FGF14: variants seen among roughly 807,000 people sequenced by gnomAD.
FGF14 encodes the protein fibroblast growth factor homologous factor 4.
Under a neutral mutation model 25.5 loss-of-function variants are expected in FGF14, and 5 were observed. That is an observed-to-expected ratio of 0.20 (90% CI 0.10 to 0.41). FGF14 has a LOEUF of 0.41. FGF14 is among the 10% of genes least tolerant of loss of function. The pLI, the probability that FGF14 is intolerant of heterozygous loss-of-function variation, is 1.00. For synonymous variants in FGF14, 138 were observed against 118.3 expected (o/e 1.17, Z -1.08); for missense variants, 222 against 320.1 (o/e 0.69, Z 2.34).
intron 1 of FGF14, among the ~76,000 whole-genome samples, chr13:102,305,232 T>G (rs1333056803): frequency 6.6e-6 from 1 of 152,174 alleles, no homozygotes; most frequent in Non-Finnish European, 1.5e-5. Flanking sequence ...CTTCTGTCAG[T>G]AGAGCCCTAA....
rs902480542 is a variant in FGF14 at position 101,838,293 on chromosome 13, C to T, written c.408+30432G>A. ...AGTCTCATCTGTGACCCTGCAACTTCCTGCAGCCCTCGGTTTCGTTCTGTG... is the reference window on the plus strand; with the variant it reads ...AGTCTCATCTGTGACCCTGCAACTTTCTGCAGCCCTCGGTTTCGTTCTGTG... On this transcript the variant is annotated intron_variant, in intron 3 of 4. Coordinates refer to ENST00000376143, the MANE Select transcript of FGF14 (RefSeq NM_004115.4). Among the ~76,000 whole-genome samples, 10 of 151,922 alleles carry T rather than the reference C, an allele frequency of 6.6e-5. No individual in the cohort carries two copies. The East Asian group carries it at 1.4e-3, about 21-fold the overall frequency.
intron 3 of FGF14, among the ~76,000 whole-genome samples, chr13:101,841,064 T>A (rs1297622175): frequency 6.6e-6 from 1 of 151,922 alleles, no homozygotes; most frequent in Non-Finnish European, 1.5e-5. Flanking sequence ...ACCTATGAAA[T>A]CAGGGAAGTC....
intron 1 of FGF14, among the ~76,000 whole-genome samples, chr13:101,968,696 A>G (rs1460978274): frequency 6.6e-6 from 1 of 151,124 alleles, no homozygotes; most frequent in Admixed American, 6.6e-5. Flanking sequence ...AAAAACCTCA[A>G]TATCAATATT....
chr13:101,771,056 T>C (rs1594189941), intron 3 of FGF14, among the ~76,000 whole-genome samples: 1 of 152,150 alleles, frequency 6.6e-6, no homozygotes, highest in East Asian at 1.9e-4. Context: ...AAAATCAATG[T>C]TGAGTTAATT....
intron 1 of FGF14, among the ~76,000 whole-genome samples, chr13:102,344,404 C>T (rs2057041644): frequency 6.6e-6 from 1 of 152,158 alleles, no homozygotes; most frequent in Non-Finnish European, 1.5e-5. Context: ...CTATGTTTGC[C>T]CACTTGGGCA....
intron 1 of FGF14, among the ~76,000 whole-genome samples, chr13:102,391,153 G>T (rs1401593241): frequency 1.3e-5 from 2 of 152,100 alleles, no homozygotes; most frequent in African/African-American, 4.8e-5. Context: ...CAAAATTTTT[G>T]AAAAACATGA....
intron 1 of FGF14, among the ~76,000 whole-genome samples, chr13:102,041,546 A>T (rs2041739072): frequency 6.6e-6 from 1 of 150,522 alleles, no homozygotes; most frequent in South Asian, 2.1e-4. Context: ...AAAACAGTGT[A>T]TGTTAAGCCA....
chr13:102,083,919 A>G (rs1328044634), intron 1 of FGF14, among the ~76,000 whole-genome samples: 2 of 152,198 alleles, frequency 1.3e-5, no homozygotes, highest in African/African-American at 4.8e-5. Context: ...ATAGTGTCCC[A>G]TTTTGCTTAA....
At chr13:102,391,248 T>A (rs777845976) in intron 1 of FGF14, among the ~76,000 whole-genome samples, 39 of 152,184 alleles carry the variant, frequency 2.6e-4, no homozygotes, top group Non-Finnish European at 4.7e-4. Flanking sequence ...ATATCAGTAC[T>A]GGAAAAGCAC....
intron 1 of FGF14, among the ~76,000 whole-genome samples, chr13:102,260,144 G>A (rs1023731388): frequency 2.6e-5 from 4 of 152,122 alleles, no homozygotes; most frequent in African/African-American, 7.2e-5. Context: ...AAAAAGAAGC[G>A]GGAGGAGGGG....
chr13:102,224,725 A>T (rs913131903), intron 1 of FGF14, among the ~76,000 whole-genome samples: 7 of 152,210 alleles, frequency 4.6e-5, no homozygotes, highest in African/African-American at 1.7e-4. Flanking sequence ...TACATAATGT[A>T]TTTCCATCAA....
intron 3 of FGF14, among the ~76,000 whole-genome samples, chr13:101,820,763 C>T (rs2042078312): frequency 1.2e-5 from 1 of 82,690 alleles, no homozygotes; most frequent in South Asian, 6.5e-4. Flanking sequence ...CTACAGTACA[C>T]ACACACACCA....
upstream of FGF14, chr13:102,402,328 C>T (rs1273378799): frequency 1.3e-5 from 2 of 152,376 alleles, no homozygotes; most frequent in Non-Finnish European, 1.5e-5. Flanking sequence ...GCCACAAATC[C>T]CCTTCCTCCT....
Position 101,716,834 on chromosome 13 carries a change from A to C in FGF14, c.*5997T>G, listed in dbSNP as rs1002061027. 1 of 152,004 alleles carries C rather than the reference A, an allele frequency of 6.6e-6. No individual in the cohort carries two copies. The highest frequency in any genetic ancestry group is 1.5e-5 in the Non-Finnish European group (1 of 67,980). 9.4% of individuals were successfully genotyped at this position (152,004 alleles called of 1,614,324 possible). On this transcript the variant is annotated 3_prime_UTR_variant, in exon 5 of 5. Transcript: ENST00000376143. The stretch of plus-strand genomic sequence containing the variant: ...TAGAAATGGCTTAAATAGAAATTAC[A>C]AATATTCACTCAGTGATAGGAACAA...
intron 3 of FGF14, among the ~76,000 whole-genome samples, chr13:101,817,183 C>A: frequency 6.6e-6 from 1 of 152,152 alleles, no homozygotes; most frequent in Non-Finnish European, 1.5e-5. Flanking sequence ...GGCCTGGTTT[C>A]TCAGTGAGCA....
chr13:102,284,927 C>A (rs1404537488), intron 1 of FGF14, among the ~76,000 whole-genome samples: 1 of 151,962 alleles, frequency 6.6e-6, no homozygotes, highest in African/African-American at 2.4e-5. Context: ...CTCTCTCTCC[C>A]CCTCCGTCTC....
At chr13:101,753,819 A>AT (rs2037466746) in intron 3 of FGF14, among the ~76,000 whole-genome samples, 1 of 151,344 alleles carries the variant, frequency 6.6e-6, no homozygotes, top group Non-Finnish European at 1.5e-5. Context: ...AAAAAAAAAA[A>AT]TTTCCTTGTT....
chr13:101,960,457 T>C (rs1874008301), intron 1 of FGF14, among the ~76,000 whole-genome samples: 1 of 152,072 alleles, frequency 6.6e-6, no homozygotes, highest in African/African-American at 2.4e-5. Context: ...AAACATGTGG[T>C]GTTTGGTTTT....
chr13:102,025,501 A>G lies in FGF14; in HGVS notation c.209-150205T>C, dbSNP rs755727871. 4.7e-4 allele frequency among the ~76,000 whole-genome samples: 71 copies of G among 151,954 alleles called. 3 individuals carry two copies. Among genetic ancestry groups the G allele is most frequent in the Non-Finnish European group, 1.5e-5 (1 of 67,956 alleles). ...TTGGTTCACTGCAACTTCTACCTCC[A>G]GGGTTCAAGTGATTCTCATGCTTCA... On this transcript the variant is annotated intron_variant, in intron 1 of 4. Coordinates refer to the FGF14 transcript ENST00000376131.
Sources: gnomAD v4.1 joint callset for allele counts (sites outside exome capture counted in the v4.1 genomes callset) on GRCh38, gnomAD v4.1.1 for gene constraint, MANE v1.5 for transcripts, NCBI Gene and HGNC (gene_info 2026-07-23, HGNC 2026-07-21) for gene names.